The following HCRTR2 variants were observed in gnomAD, a reference collection of about 807,000 sequenced individuals.
HCRTR2 encodes hypocretin receptor 2.
Under a neutral mutation model 49.0 loss-of-function variants are expected in HCRTR2, and 22 were observed. That is an observed-to-expected ratio of 0.45 (90% CI 0.32 to 0.64). The LOEUF is 0.64. Ranked by LOEUF, HCRTR2 falls within the 30% of genes least tolerant of loss-of-function variation. HCRTR2 has a pLI of 0.04. For missense variants in HCRTR2, 491 were observed against 559.4 expected (o/e 0.88, Z 1.23); for synonymous variants, 236 against 205.3 (o/e 1.15, Z -1.28).
At chr6:55,156,683 T>A (rs1764735937) in intron 1 of HCRTR2, among the ~76,000 whole-genome samples, 1 of 151,978 alleles carries the variant, frequency 6.6e-6, no homozygotes, top group African/African-American at 2.4e-5. Context: ...TCCAGCAGTA[T>A]TTTAAAGGAC....
intron 1 of HCRTR2, among the ~76,000 whole-genome samples, chr6:55,215,419 A>T (rs1384774169): frequency 6.6e-6 from 1 of 152,244 alleles, no homozygotes; most frequent in Non-Finnish European, 1.5e-5. Context: ...GCCTTACAAG[A>T]AATGCTAAAT....
At chr6:55,169,588 T>C (rs973539530), upstream of HCRTR2, among the ~76,000 whole-genome samples, 1 of 152,010 alleles carries the variant, frequency 6.6e-6, no homozygotes, top group Non-Finnish European at 1.5e-5. Context: ...CTGAAGACCA[T>C]ATTGTTTTTT....
chr6:55,256,461 AC>A (rs1352366212), intron 3 of HCRTR2, among the ~76,000 whole-genome samples: 8 of 152,164 alleles, frequency 5.3e-5, no homozygotes, highest in African/African-American at 1.9e-4. Context: ...GGCATATACT[AC>A]AGGATATATC....
chr6:55,143,403 G>A (rs1390960467), intron 1 of HCRTR2, among the ~76,000 whole-genome samples: 1 of 152,030 alleles, frequency 6.6e-6, no homozygotes, highest in African/African-American at 2.4e-5. Context: ...TCTTGCTATT[G>A]AAACTTTTAT....
At chr6:55,149,609 G>T (rs549151399) in intron 1 of HCRTR2, among the ~76,000 whole-genome samples, 2 of 152,098 alleles carry the variant, frequency 1.3e-5, no homozygotes, top group African/African-American at 4.8e-5. Context: ...TTTAATGCAG[G>T]TTTTAAATAA....
At chr6:55,206,563 G>T (rs1765605126) in intron 1 of HCRTR2, among the ~76,000 whole-genome samples, 1 of 151,914 alleles carries the variant, frequency 6.6e-6, no homozygotes, top group African/African-American at 2.4e-5. Context: ...TGAGTGCAAG[G>T]AGTATAGCGA....
At chr6:55,242,361 T>G (rs1766352216) in intron 1 of HCRTR2, among the ~76,000 whole-genome samples, 1 of 146,750 alleles carries the variant, frequency 6.8e-6, no homozygotes. Context: ...TAATGTCTCC[T>G]TCCCCTCTTC....
intron 1 of HCRTR2, among the ~76,000 whole-genome samples, chr6:55,164,352 T>C (rs1056796225): frequency 2.6e-5 from 4 of 152,126 alleles, no homozygotes; most frequent in African/African-American, 9.7e-5. Flanking sequence ...CTATTAACAA[T>C]AGCAAAGACT....
intron 1 of HCRTR2, among the ~76,000 whole-genome samples, chr6:55,192,629 A>T (rs1765339566): frequency 6.6e-6 from 1 of 152,144 alleles, no homozygotes; most frequent in Non-Finnish European, 1.5e-5. Context: ...TCTAGATCCC[A>T]AATTTTTGTT....
chr6:55,220,569 A>G (rs1404249867), intron 1 of HCRTR2, among the ~76,000 whole-genome samples: 1 of 152,146 alleles, frequency 6.6e-6, no homozygotes, highest in Non-Finnish European at 1.5e-5. Flanking sequence ...CACAATAATA[A>G]AGGTCACATA....
intron 1 of HCRTR2, among the ~76,000 whole-genome samples, chr6:55,107,247 T>C (rs1763986115): frequency 6.6e-6 from 1 of 152,134 alleles, no homozygotes; most frequent in African/African-American, 2.4e-5. Flanking sequence ...GAAATGAGCA[T>C]GCTTGAAAAA....
At chr6:55,197,770 C>T (rs370883099) in intron 1 of HCRTR2, among the ~76,000 whole-genome samples, 19 of 152,134 alleles carry the variant, frequency 1.2e-4, no homozygotes, top group Middle Eastern at 3.4e-3. Flanking sequence ...TACAGGTGCC[C>T]GCCACCATGC....
chr6:55,159,163 T>C (rs9357844), intron 1 of HCRTR2, among the ~76,000 whole-genome samples: 67,624 of 151,890 alleles, frequency 0.45, 15,951 homozygotes, highest in East Asian at 0.78. Flanking sequence ...CCCAGGCAAA[T>C]AGGGTCTGAC....
chr6:55,200,237 GT>G (rs1765488499), intron 1 of HCRTR2, among the ~76,000 whole-genome samples: 1 of 18,402 alleles, frequency 5.4e-5, no homozygotes, highest in Non-Finnish European at 1.4e-4. Context: ...TTGCTGTCTT[GT>G]GTGTGTGTGT....
intron 1 of HCRTR2, among the ~76,000 whole-genome samples, chr6:55,131,364 C>T (rs1391783731): frequency 6.6e-6 from 1 of 151,680 alleles, no homozygotes; most frequent in Non-Finnish European, 1.5e-5. Context: ...TTATTTCAAA[C>T]ATTCAAATTC....
chr6:55,232,035 A>G, intron 1 of HCRTR2, among the ~76,000 whole-genome samples: 1 of 152,070 alleles, frequency 6.6e-6, no homozygotes, highest in Non-Finnish European at 1.5e-5. Context: ...ACTTTCCTAA[A>G]CACATTTTTG....
chr6:55,150,149 C>T (rs1764644861), intron 1 of HCRTR2, among the ~76,000 whole-genome samples: 2 of 151,778 alleles, frequency 1.3e-5, no homozygotes, highest in Non-Finnish European at 2.9e-5. Flanking sequence ...ATTAAAAAAA[C>T]ATTTTATTAA....
chr6:55,120,128 A>G (rs970094796), intron 1 of HCRTR2, among the ~76,000 whole-genome samples: 1 of 152,110 alleles, frequency 6.6e-6, no homozygotes, highest in African/African-American at 2.4e-5. Flanking sequence ...CCATTGGTCT[A>G]TATATCTGTT....
intron 1 of HCRTR2, among the ~76,000 whole-genome samples, chr6:55,134,454 T>TTG (rs979546193): frequency 4.0e-4 from 60 of 150,476 alleles, no homozygotes; most frequent in East Asian, 9.7e-4. Context: ...TAGGTACCAT[T>TTG]TGTGTGTGTG....
Sources: allele counts gnomAD v4.1 joint callset (sites outside exome capture counted in the v4.1 genomes callset), GRCh38; gene constraint gnomAD v4.1.1; transcripts MANE v1.5; gene names NCBI Gene and HGNC (gene_info 2026-07-23, HGNC 2026-07-21).